PLCL2: variants seen among roughly 807,000 people sequenced by gnomAD.
PLCL2 encodes phospholipase C like 2.
PLCL2 carries 4 observed loss-of-function variants against 79.6 expected under a neutral mutation model. That is an observed-to-expected ratio of 0.05 (90% CI 0.02 to 0.11). The LOEUF (loss-of-function observed/expected upper bound fraction) is 0.11, where lower values mean the gene tolerates loss of function less well. PLCL2 is among the 10% of genes least tolerant of loss of function. The pLI is 1.00. For missense variants in PLCL2, 895 were observed against 1,291.0 expected, an observed-to-expected ratio of 0.69 and a Z score of 4.70; for synonymous variants, 484 against 457.7, an observed-to-expected ratio of 1.06 and a Z score of -0.73.
chr3:16,938,515 A>G (rs1445276281), intron 1 of PLCL2, among the ~76,000 whole-genome samples: 1 of 152,214 alleles, frequency 6.6e-6, no homozygotes, highest in Admixed American at 6.5e-5. Flanking sequence ...AAGACAGTAC[A>G]CTTATGGAAG....
At chr3:17,008,419 C>T (rs1236375376) in intron 1 of PLCL2, among the ~76,000 whole-genome samples, 1 of 151,552 alleles carries the variant, frequency 6.6e-6, no homozygotes, top group Admixed American at 6.6e-5. Context: ...AAATAGTTTC[C>T]AGAAATAGTC....
chr3:17,038,318 G>T (rs953900517), intron 3 of PLCL2, among the ~76,000 whole-genome samples: 1 of 152,158 alleles, frequency 6.6e-6, no homozygotes, highest in African/African-American at 2.4e-5. Context: ...TCCATGTGGC[G>T]AGTTACTCAG....
chr3:16,966,559 T>G (rs1001593063), intron 1 of PLCL2, among the ~76,000 whole-genome samples: 4 of 152,186 alleles, frequency 2.6e-5, no homozygotes, highest in African/African-American at 9.7e-5. Flanking sequence ...GATACCTTCT[T>G]TTTCTGTTGA....
intron 1 of PLCL2, among the ~76,000 whole-genome samples, chr3:16,905,647 G>C (rs1364107451): frequency 1.3e-5 from 2 of 152,160 alleles, no homozygotes; most frequent in East Asian, 3.8e-4. Context: ...AATTTTGTAG[G>C]CATGTGCATA....
At chr3:17,045,555 T>C (rs1261008406) in intron 4 of PLCL2, among the ~76,000 whole-genome samples, 1 of 152,052 alleles carries the variant, frequency 6.6e-6, no homozygotes, top group Non-Finnish European at 1.5e-5. Flanking sequence ...AAAGGGACCA[T>C]GGAAAGAGCA....
At chr3:17,036,205 G>A (rs969126207) in intron 3 of PLCL2, among the ~76,000 whole-genome samples, 4 of 152,182 alleles carry the variant, frequency 2.6e-5, no homozygotes, top group African/African-American at 9.7e-5. Context: ...CTCTCCCCAT[G>A]TGAGATGGAA....
intron 1 of PLCL2, among the ~76,000 whole-genome samples, chr3:16,940,511 T>G (rs1401550617): frequency 6.6e-6 from 1 of 152,138 alleles, no homozygotes; most frequent in African/African-American, 2.4e-5. Flanking sequence ...AAGAGGGGCG[T>G]GGGTTGAAAA....
At chr3:17,036,724 T>C (rs73153298) in intron 3 of PLCL2, among the ~76,000 whole-genome samples, 4,947 of 152,286 alleles carry the variant, frequency 0.032, 266 homozygotes, top group African/African-American at 0.11. Flanking sequence ...TAAGAGGCTG[T>C]TTTAGTCCAT....
intron 1 of PLCL2, among the ~76,000 whole-genome samples, chr3:16,980,416 A>T (rs2063976961): frequency 1.4e-5 from 2 of 144,664 alleles, no homozygotes; most frequent in African/African-American, 2.6e-5. Flanking sequence ...CTCACTTCTC[A>T]GACGGGGCGG....
chr3:17,012,803 C>T lies in PLCL2; in HGVS notation c.2814+643C>T, dbSNP rs181512874. ...AGGATCGCCCACACATCTAGCCATACGCTAGGACCCCTGAGTGACACAGAG... is the reference window on the plus strand; with the variant it reads ...AGGATCGCCCACACATCTAGCCATATGCTAGGACCCCTGAGTGACACAGAG... On this transcript the variant is annotated intron_variant, in intron 2 of 5. Coordinates refer to ENST00000615277, the MANE Select transcript of PLCL2 (RefSeq NM_001144382.2). Among the ~76,000 whole-genome samples the T allele has an allele frequency of 1.4e-3, 211 of 152,312 alleles. 1 individual carries two copies. The highest frequency in any genetic ancestry group is 4.9e-3 in the African/African-American group (205 of 41,574).
In PLCL2 at chr3:16,978,327, A is replaced by G. The variant is rs546784811; in HGVS notation, c.328-31347A>G. Among the ~76,000 whole-genome samples the G allele has an allele frequency of 4.6e-5, 7 of 152,376 alleles. No individual in the cohort carries two copies. In the South Asian group the frequency reaches 1.4e-3, roughly 32 times the overall value. ...GACAGATTAAAAGATATTGTGACTT[A>G]TGTATCTGTGGTCCTCAATTTCATC... is the stretch of plus-strand genomic sequence containing the variant. On this transcript the variant is annotated intron_variant, in intron 1 of 5. Transcript: ENST00000615277.
rs2064980629 is a variant in PLCL2 at position 17,063,730 on chromosome 3, TG to T, written c.3095-4225del. On this transcript the variant is annotated intron_variant, in intron 4 of 5. Transcript: ENST00000615277. ...GGATTACTGTAACAGTCTCCACTTT[TG>T]CCTGTTCAACTGCAGTCACAGGTTC... 2.6e-5 allele frequency among the ~76,000 whole-genome samples: 4 copies of T among 152,348 alleles called. No homozygotes were observed. In the South Asian group the frequency reaches 8.3e-4, roughly 32 times the overall value.
chr3:17,000,929 A>G lies in PLCL2; in HGVS notation c.328-8745A>G, dbSNP rs537934745. Among the ~76,000 whole-genome samples the G allele has an allele frequency of 2.6e-5, 4 of 152,210 alleles. 1 individual carries two copies. Among genetic ancestry groups the G allele is most frequent in the South Asian group, 4.1e-4 (2 of 4,820 alleles). On this transcript the variant is annotated intron_variant, in intron 1 of 5. Coordinates refer to ENST00000615277, the MANE Select transcript of PLCL2 (RefSeq NM_001144382.2). ...AATGCACTGATTTCCTTTCTTTTGG[A>G]TATATATCCAGCAGAGGGATTACTG... is the stretch of plus-strand genomic sequence containing the variant.
chr3:17,016,238 A>G (rs993994635), intron 3 of PLCL2, among the ~76,000 whole-genome samples: 2 of 152,222 alleles, frequency 1.3e-5, no homozygotes, highest in Non-Finnish European at 2.9e-5. Flanking sequence ...CTTTGGATGA[A>G]TAAGTCTAGA....
intron 5 of PLCL2, among the ~76,000 whole-genome samples, chr3:17,084,472 CAAGAA>C (rs2065195643): frequency 6.6e-6 from 1 of 152,100 alleles, no homozygotes; most frequent in South Asian, 2.1e-4. Flanking sequence ...AAAGACATTA[CAAGAA>C]AAGAAAACAA....
At chr3:17,027,926 C>T (rs150627973) in intron 3 of PLCL2, among the ~76,000 whole-genome samples, 6 of 152,320 alleles carry the variant, frequency 3.9e-5, no homozygotes, top group Non-Finnish European at 7.3e-5. Flanking sequence ...AAGCATGCTA[C>T]GTCAGTGGGA....
Position 17,012,227 on chromosome 3 carries a change from A to G in PLCL2, c.2814+67A>G. On this transcript the variant is annotated intron_variant, in intron 2 of 5. Coordinates refer to ENST00000615277, the MANE Select transcript of PLCL2 (RefSeq NM_001144382.2). ...CTTTGTACATGTCCATAGTTTATAA[A>G]TATATTGGTTTTTTAATAATAGTAT... is the stretch of plus-strand genomic sequence containing the variant. 4.3e-6 allele frequency: 6 copies of G among 1,387,630 alleles called. No individual in the cohort carries two copies. In the South Asian group the frequency reaches 9.6e-5, roughly 22 times the overall value. The allele number at this position is 1,387,630 out of a possible 1,614,324, so 86.0% of individuals were successfully genotyped here.
At chr3:17,023,089 C>T (rs2064473839) in intron 3 of PLCL2, among the ~76,000 whole-genome samples, 1 of 152,142 alleles carries the variant, frequency 6.6e-6, no homozygotes, top group African/African-American at 2.4e-5. Flanking sequence ...AGCCACCATC[C>T]TCTCCTCCAC....
chr3:16,967,369 T>G (rs1256693773), intron 1 of PLCL2, among the ~76,000 whole-genome samples: 1 of 152,206 alleles, frequency 6.6e-6, no homozygotes, highest in African/African-American at 2.4e-5. Flanking sequence ...TGAACTAATT[T>G]ACTTTTCCAC....
Sources: allele counts gnomAD v4.1 joint callset (sites outside exome capture counted in the v4.1 genomes callset), GRCh38; gene constraint gnomAD v4.1.1; transcripts MANE v1.5; gene names NCBI Gene and HGNC (gene_info 2026-07-23, HGNC 2026-07-21).